ARHGAP39: variants seen among roughly 807,000 people sequenced by gnomAD.
ARHGAP39 encodes the protein rho GTPase-activating protein 39.
In ARHGAP39, 44 loss-of-function variants were observed where a neutral mutation model predicts 106.9. That is an observed-to-expected ratio of 0.41 (90% CI 0.32 to 0.53). ARHGAP39 has a LOEUF of 0.53. ARHGAP39 is among the 20% of genes least tolerant of loss of function. ARHGAP39 has a pLI of 0.21. For missense variants in ARHGAP39, 1,496 were observed against 1,577.3 expected, an observed-to-expected ratio of 0.95 and a Z score of 0.87; for synonymous variants, 768 against 693.2, an observed-to-expected ratio of 1.11 and a Z score of -1.69.
intron 1 of ARHGAP39, among the ~76,000 whole-genome samples, chr8:144,672,585 G>A (rs1321837403): frequency 6.6e-6 from 1 of 152,160 alleles, no homozygotes; most frequent in Non-Finnish European, 1.5e-5. Flanking sequence ...GTGCTCCCAC[G>A]CCTCACATCT....
rs993452800 is a variant in ARHGAP39, at chr8:144,679,935, G to A, written c.-82+5751C>T. On this transcript the variant is annotated intron_variant, in intron 1 of 11. Transcript: ENST00000377307. The surrounding 1 kb of genome is among the most constrained non-coding windows in gnomAD (Gnocchi z 4.7). ...GCGGAGCTTGCAGTGAGTCGAGATC[G>A]CGCCGCCGCACTCCAGCCTGGACGA... Among the ~76,000 whole-genome samples, 1 of 152,150 alleles carries A rather than the reference G, an allele frequency of 6.6e-6. No individual in the cohort carries two copies. Among genetic ancestry groups the A allele is most frequent in the East Asian group, 1.9e-4 (1 of 5,188 alleles).
intron 1 of ARHGAP39, among the ~76,000 whole-genome samples, chr8:144,685,406 C>G (rs1282833677): frequency 6.6e-6 from 1 of 151,130 alleles, no homozygotes; most frequent in African/African-American, 2.4e-5. Context: ...CCCTCACACT[C>G]CCAGCCCGGC....
intron 1 of ARHGAP39, among the ~76,000 whole-genome samples, chr8:144,628,865 G>T (rs905829340): frequency 6.6e-6 from 1 of 152,192 alleles, no homozygotes; most frequent in African/African-American, 2.4e-5. Flanking sequence ...CGGGACTCAT[G>T]CGATTCTTGT....
intron 1 of ARHGAP39, among the ~76,000 whole-genome samples, chr8:144,622,032 AAGG>A (rs1270637899): frequency 1.3e-5 from 2 of 152,228 alleles, no homozygotes; most frequent in Non-Finnish European, 2.9e-5. Flanking sequence ...GAAAAACACA[AAGG>A]AGGAGAAACT....
intron 1 of ARHGAP39, among the ~76,000 whole-genome samples, chr8:144,609,393 T>C (rs1820406490): frequency 6.6e-6 from 1 of 151,068 alleles, no homozygotes; most frequent in Non-Finnish European, 1.5e-5. Context: ...CACGATGTAT[T>C]GTCCTTTTTT....
In ARHGAP39 at chr8:144,545,650, T is replaced by C. The variant is rs150744410; in HGVS notation, c.2120A>G (p.Gln707Arg). Residue 707 changes from glutamine to arginine, a missense_variant, in exon 6 of 12, where the codon CAG (glutamine) becomes CGG (arginine). This residue lies in a region of ARHGAP39 where 470 missense variants were observed against 605.1 expected (regional missense o/e 0.78). Coordinates refer to ENST00000377307, the MANE Select transcript of ARHGAP39 (RefSeq NM_025251.3). ...WASKHFNKHT[Q>R]GLFRRKVSIA... ...GGACACCTTCCGCCGGAAGAGGCCC[T>C]GCGTGTGCTTGTTGAAGTGCTTGGA... 6.2e-6 allele frequency: 10 copies of C among 1,613,684 alleles called. No individual in the cohort carries two copies. Among genetic ancestry groups the C allele is most frequent in the Non-Finnish European group, 8.5e-6 (10 of 1,180,032 alleles).
At chr8:144,613,238 TAAAC>T (rs1010949550) in intron 1 of ARHGAP39, among the ~76,000 whole-genome samples, 6 of 152,254 alleles carry the variant, frequency 3.9e-5, no homozygotes, top group African/African-American at 1.4e-4. Flanking sequence ...TTACTATTCT[TAAAC>T]AATTACATTT....
At chr8:144,672,783 C>T (rs2129730891) in intron 1 of ARHGAP39, among the ~76,000 whole-genome samples, 1 of 152,232 alleles carries the variant, frequency 6.6e-6, no homozygotes, top group East Asian at 1.9e-4. Flanking sequence ...ATAAGCAGGA[C>T]AAGCATCTTA....
At chr8:144,653,289 G>A (rs1283883781) in intron 1 of ARHGAP39, among the ~76,000 whole-genome samples, 1 of 152,130 alleles carries the variant, frequency 6.6e-6, no homozygotes, top group African/African-American at 2.4e-5. Context: ...CAACAAGAGT[G>A]AAATTCTGTC....
chr8:144,542,467 T>A (rs1026464045), intron 6 of ARHGAP39, among the ~76,000 whole-genome samples: 1 of 152,050 alleles, frequency 6.6e-6, no homozygotes, highest in Non-Finnish European at 1.5e-5. Flanking sequence ...TCACCGAGGG[T>A]CCCTAGGCTA....
chr8:144,678,575 C>T (rs1050112856), intron 1 of ARHGAP39, among the ~76,000 whole-genome samples: 1 of 152,174 alleles, frequency 6.6e-6, no homozygotes, highest in Non-Finnish European at 1.5e-5. Context: ...GTTGGGGTCA[C>T]GCAGCGCTGT....
intron 1 of ARHGAP39, among the ~76,000 whole-genome samples, chr8:144,668,372 T>C (rs1298104575): frequency 6.6e-6 from 1 of 152,094 alleles, no homozygotes; most frequent in Non-Finnish European, 1.5e-5. Flanking sequence ...GCCCAGGAGG[T>C]TGAGGCTGCA....
chr8:144,663,887 C>T (rs1032369471), intron 1 of ARHGAP39, among the ~76,000 whole-genome samples: 1 of 152,196 alleles, frequency 6.6e-6, no homozygotes, highest in African/African-American at 2.4e-5. Flanking sequence ...AAATGAGGAG[C>T]CAGGTGCAGT....
At chr8:144,593,371 C>T (rs932400859) in intron 2 of ARHGAP39, among the ~76,000 whole-genome samples, 3 of 152,130 alleles carry the variant, frequency 2.0e-5, no homozygotes, top group African/African-American at 7.2e-5. Flanking sequence ...TGCAGGTGGA[C>T]GTCTACCTGC....
intron 2 of ARHGAP39, among the ~76,000 whole-genome samples, chr8:144,602,067 G>T (rs1820004435): frequency 7.0e-6 from 1 of 142,568 alleles, no homozygotes; most frequent in African/African-American, 2.6e-5. Context: ...ATGCGTGCGT[G>T]CTCATGTACC....
chr8:144,673,173 T>G (rs572055201), intron 1 of ARHGAP39, among the ~76,000 whole-genome samples: 1 of 150,630 alleles, frequency 6.6e-6, no homozygotes, highest in Admixed American at 6.6e-5. Context: ...GCAGATATCA[T>G]GCCACTGCCC....
At chr8:144,649,114 TAAA>T (rs1330535357) in intron 1 of ARHGAP39, among the ~76,000 whole-genome samples, 2 of 152,042 alleles carry the variant, frequency 1.3e-5, no homozygotes, top group Non-Finnish European at 2.9e-5. Context: ...GCTAGACTAA[TAAA>T]GAAGAAAAGA....
rs189667004 is a variant in ARHGAP39 at position 144,679,604 on chromosome 8, T to A, written c.-82+6082A>T. Among the ~76,000 whole-genome samples the A allele has an allele frequency of 5.7e-4, 87 of 152,266 alleles. No individual in the cohort carries two copies. The highest frequency in any genetic ancestry group is 1.9e-3 in the African/African-American group (80 of 41,550). On this transcript the variant is annotated intron_variant, in intron 1 of 11. Coordinates refer to ENST00000377307, the MANE Select transcript of ARHGAP39 (RefSeq NM_025251.3). This position sits in a 1 kb window ranked among gnomAD's most constrained non-coding sequence, Gnocchi z 4.7. ...CTTCACCAACCCATCCTACAGAACA[T>A]TGCCAATTAAATCTCCCTAAACCAT...
chr8:144,538,104 G>A (rs1443005880), intron 6 of ARHGAP39, among the ~76,000 whole-genome samples: 1 of 152,232 alleles, frequency 6.6e-6, no homozygotes, highest in Non-Finnish European at 1.5e-5. Flanking sequence ...AAGGCGCCTG[G>A]GGAGCAGGAG....
Sources: gnomAD v4.1 joint callset for allele counts (sites outside exome capture counted in the v4.1 genomes callset) on GRCh38, gnomAD v4.1.1 for gene constraint, gnomAD v4.1.1 regional missense constraint, Gnocchi (gnomAD v3.1) non-coding constraint, MANE v1.5 for transcripts, NCBI Gene and HGNC (gene_info 2026-07-23, HGNC 2026-07-21) for gene names.